The following KLRK1 variants were observed in gnomAD, a reference collection of about 807,000 sequenced individuals.
KLRK1 encodes the protein killer cell lectin like receptor K1.
KLRK1 carries 40 observed loss-of-function variants against 31.3 expected under a neutral mutation model. The ratio of observed to expected loss-of-function variants is 1.28; its 90% confidence interval spans 0.99 to 1.67. The LOEUF (loss-of-function observed/expected upper bound fraction) is 1.67, where lower values mean the gene tolerates loss of function less well. KLRK1 is among the 40% of genes most tolerant of loss of function. KLRK1 has a pLI of 0.00. For missense variants in KLRK1, 251 were observed against 260.0 expected (o/e 0.97, Z 0.24); for synonymous variants, 77 against 77.3 (o/e 1.00, Z 0.02).
rs1170551985 is a variant in KLRK1 at position 10,378,524 on chromosome 12, C to T, written c.429+30G>A. Reference sequence around the variant, plus strand: ...TTGTCTCAGATGTTAGGATTAAATACAGGATGGGAAATTAAAATAAATACT... The same window carrying T: ...TTGTCTCAGATGTTAGGATTAAATATAGGATGGGAAATTAAAATAAATACT... On this transcript the variant is annotated intron_variant, in intron 6 of 7. Coordinates refer to ENST00000240618, the MANE Select transcript of KLRK1 (RefSeq NM_007360.4). The T allele has an allele frequency of 2.5e-6, 4 of 1,605,856 alleles. No homozygotes were observed. The South Asian group carries it at 3.4e-5, about 14-fold the overall frequency.
rs757052818 is a variant in KLRK1, at chr12:10,388,747, C to T, written c.40+24G>A. The T allele has an allele frequency of 8.7e-6, 14 of 1,612,818 alleles. No homozygotes were observed. In the South Asian group the frequency reaches 1.5e-4, roughly 18 times the overall value. On this transcript the variant is annotated intron_variant, in intron 2 of 7. Coordinates refer to ENST00000240618, the MANE Select transcript of KLRK1 (RefSeq NM_007360.4). ...TTAAAATTGTATAAAAACAAAACTA[C>T]ACACTTATGTGGTAAAAACATACCC...
chr12:10,380,059 GTTTTTTT>G (rs1162094591), intron 3 of KLRK1, among the ~76,000 whole-genome samples: 3 of 83,766 alleles, frequency 3.6e-5, no homozygotes, highest in African/African-American at 9.3e-5. Context: ...TGTTGTTATT[GTTTTTTT>G]TTTTTTTTTT....
intron 7 of KLRK1, among the ~76,000 whole-genome samples, chr12:10,374,462 G>A (rs1387787119): frequency 6.7e-6 from 1 of 148,532 alleles, no homozygotes; most frequent in African/African-American, 2.5e-5. Flanking sequence ...GCGCAATCTC[G>A]GCTCACTGCA....
At chr12:10,381,625 G>A (rs1043439397) in intron 3 of KLRK1, among the ~76,000 whole-genome samples, 1 of 152,150 alleles carries the variant, frequency 6.6e-6, no homozygotes, top group African/African-American at 2.4e-5. Context: ...GAAAATGGCA[G>A]AAGAGCAAGC....
chr12:10,379,770 G>A lies in KLRK1; in HGVS notation c.171C>T (p.Cys57=), dbSNP rs1227032515. ...RENASPFFFC[C]FIAVAMGIRF... ...GGATTCCCATGGCTACAGCGATGAA[G>A]CAGCAGAAAAAAAATGGAGATGCTG... is the stretch of plus-strand genomic sequence containing the variant. The change falls in exon 4 of 8, where the codon TGC becomes TGT. Residue 57 remains cysteine (C), a synonymous_variant. Transcript: ENST00000240618. 2.5e-6 allele frequency: 4 copies of A among 1,610,758 alleles called. No individual in the cohort carries two copies. Among genetic ancestry groups the A allele is most frequent in the Admixed American group, 1.7e-5 (1 of 59,776 alleles).
At chr12:10,378,758 A>AT (rs1300052749) in intron 5 of KLRK1, 53 bp from the exon 6 acceptor site, 8 of 1,524,880 alleles carry the variant, frequency 5.2e-6, no homozygotes, top group Non-Finnish European at 7.0e-6. Context: ...ATTATAGCAG[A>AT]TTTTGTCTAG....
At chr12:10,387,099 C>G in intron 2 of KLRK1, 89 bp from the exon 3 acceptor site, 1 of 896,156 alleles carries the variant, frequency 1.1e-6, no homozygotes, top group Non-Finnish European at 1.7e-6. Context: ...CCATTTCCAT[C>G]TATGTACTTC....
At position 10,379,061 on chromosome 12, in the gene KLRK1, G is replaced by T. The variant is rs1000455309; in HGVS notation, c.278-356C>A. The T allele has an allele frequency of 4.2e-5, 8 of 191,268 alleles. No individual in the cohort carries two copies. In the Admixed American group the frequency reaches 4.7e-4, roughly 11 times the overall value. 11.8% of individuals were successfully genotyped at this position (191,268 alleles called of 1,614,324 possible). A position where few individuals can be genotyped will look rare whatever the true frequency, so the allele number is the denominator to read the frequency against. On this transcript the variant is annotated intron_variant, in intron 5 of 7. Transcript: ENST00000240618. ...CCCAGCTACTTGGAAGCTGAGGCAG[G>T]AGAATTGCTTGAACCTAGGAGGTAG...
intron 3 of KLRK1, among the ~76,000 whole-genome samples, chr12:10,380,256 A>G (rs535589857): frequency 3.2e-4 from 49 of 152,042 alleles, no homozygotes; most frequent in South Asian, 2.7e-3. Context: ...TAGTAGAGAT[A>G]GGGTTTCACC....
intron 6 of KLRK1, 123 bp from the exon 7 acceptor site, chr12:10,378,358 C>A: frequency 7.7e-7 from 1 of 1,292,862 alleles, no homozygotes; most frequent in Non-Finnish European, 1.1e-6. Flanking sequence ...CACTAACTGG[C>A]ATAATTCTCA....
At chr12:10,380,125 G>A (rs1198759371) in intron 3 of KLRK1, among the ~76,000 whole-genome samples, 1 of 145,618 alleles carries the variant, frequency 6.9e-6, no homozygotes, top group Non-Finnish European at 1.5e-5. Flanking sequence ...GAGTGCAGTG[G>A]CGCGATCTCG....
chr12:10,379,407 A>T (rs1351598417), intron 5 of KLRK1, 40 bp downstream of exon 5: 1 of 1,253,448 alleles, frequency 8.0e-7, no homozygotes, highest in Non-Finnish European at 1.1e-6. Context: ...AGGTAGATAC[A>T]TATAATATAT....
At chr12:10,383,902 T>C (rs547122759) in intron 3 of KLRK1, among the ~76,000 whole-genome samples, 2 of 152,040 alleles carry the variant, frequency 1.3e-5, no homozygotes, top group South Asian at 4.1e-4. Flanking sequence ...AATAAACAAA[T>C]TCAGTAAAGT....
chr12:10,376,498 G>A (rs2733851), intron 7 of KLRK1, among the ~76,000 whole-genome samples: 100,049 of 151,978 alleles, frequency 0.66, 33,873 homozygotes, highest in South Asian at 0.82. Flanking sequence ...GAAACAAAAA[G>A]TAGTATCTCA....
intron 3 of KLRK1, 176 bp from the exon 4 acceptor site, chr12:10,379,968 G>T: frequency 2.5e-6 from 1 of 396,242 alleles, no homozygotes; most frequent in Non-Finnish European, 4.4e-6. Flanking sequence ...AAAAACTAGA[G>T]TACAACAATG....
intron 3 of KLRK1, among the ~76,000 whole-genome samples, chr12:10,380,567 C>G (rs146785748): frequency 7.5e-4 from 114 of 152,244 alleles, no homozygotes; most frequent in African/African-American, 2.5e-3. Flanking sequence ...GGCACAGATG[C>G]TCAGGGCGAT....
chr12:10,379,287 C>A, intron 5 of KLRK1, 160 bp downstream of exon 5: 6 of 231,878 alleles, frequency 2.6e-5, no homozygotes, highest in South Asian at 1.8e-4. Flanking sequence ...CTACTTTTTA[C>A]AAGTATTCCC....
intron 3 of KLRK1, among the ~76,000 whole-genome samples, chr12:10,384,507 A>G (rs1863132131): frequency 6.6e-6 from 1 of 152,074 alleles, no homozygotes; most frequent in Non-Finnish European, 1.5e-5. Flanking sequence ...GGGAAAGGAG[A>G]GCCTCTTCAA....
At chr12:10,374,011 G>A (rs530811377) in intron 7 of KLRK1, 1 of 152,308 alleles carries the variant, frequency 6.6e-6, no homozygotes, top group Non-Finnish European at 1.5e-5. Flanking sequence ...AAGAGTTTTT[G>A]TTTTGTTGTT....
Sources: allele counts gnomAD v4.1 joint callset (sites outside exome capture counted in the v4.1 genomes callset), GRCh38; gene constraint gnomAD v4.1.1; transcripts MANE v1.5; gene names NCBI Gene and HGNC (gene_info 2026-07-23, HGNC 2026-07-21).